The following CLYBL variants were observed in gnomAD, a reference collection of about 807,000 sequenced individuals.
CLYBL encodes citramalyl-CoA lyase, mitochondrial.
A neutral mutation model predicts 38.9 loss-of-function variants in CLYBL; 31 were observed. The ratio of observed to expected loss-of-function variants is 0.80; its 90% CI spans 0.60 to 1.08. The LOEUF (loss-of-function observed/expected upper bound fraction) is 1.08, where lower values mean the gene tolerates loss of function less well. CLYBL is among the 50% of genes least tolerant of loss of function. The pLI is 0.00. For synonymous variants in CLYBL, 171 were observed against 158.6 expected (o/e 1.08, Z -0.59); for missense variants, 434 against 411.6 (o/e 1.05, Z -0.47).
At chr13:99,809,504 T>C (rs1007433657) in intron 2 of CLYBL, among the ~76,000 whole-genome samples, 3 of 152,230 alleles carry the variant, frequency 2.0e-5, no homozygotes, top group African/African-American at 7.2e-5. Context: ...CTTGTGAAAG[T>C]TGGGGGAAGG....
chr13:99,861,134 C>T (rs1441519337), intron 3 of CLYBL, among the ~76,000 whole-genome samples: 2 of 152,066 alleles, frequency 1.3e-5, no homozygotes, highest in Admixed American at 1.3e-4. Context: ...TTTACCAGGC[C>T]GGAAACATTT....
chr13:99,692,276 TG>T (rs971558687), intron 1 of CLYBL, among the ~76,000 whole-genome samples: 5 of 112,082 alleles, frequency 4.5e-5, no homozygotes, highest in East Asian at 3.8e-4. Flanking sequence ...AGTTCACATT[TG>T]TTTTTTTTGT....
At chr13:99,838,100 A>G (rs11840555) in intron 2 of CLYBL, among the ~76,000 whole-genome samples, 3,311 of 152,288 alleles carry the variant, frequency 0.022, 109 homozygotes, top group African/African-American at 0.07. Flanking sequence ...ATAAGTAATT[A>G]TATATTAGAT....
chr13:99,729,069 A>G (rs1237015037), intron 1 of CLYBL, among the ~76,000 whole-genome samples: 1 of 152,224 alleles, frequency 6.6e-6, no homozygotes, highest in South Asian at 2.1e-4. Flanking sequence ...GGGCCATCCA[A>G]TTGTCTCCTT....
chr13:99,635,958 C>T (rs986047531), intron 1 of CLYBL, among the ~76,000 whole-genome samples: 1 of 152,178 alleles, frequency 6.6e-6, no homozygotes, highest in South Asian at 2.1e-4. Context: ...GTTGATTAAA[C>T]ATTTACTTGA....
intron 1 of CLYBL, among the ~76,000 whole-genome samples, chr13:99,633,226 A>G (rs969271135): frequency 1.3e-5 from 2 of 150,416 alleles, no homozygotes; most frequent in Non-Finnish European, 3.0e-5. Flanking sequence ...AAAAAAAAAA[A>G]AAAAAAAAAG....
At chr13:99,781,591 T>C (rs2049655785) in intron 2 of CLYBL, among the ~76,000 whole-genome samples, 1 of 152,202 alleles carries the variant, frequency 6.6e-6, no homozygotes, top group Admixed American at 6.5e-5. Context: ...TTCTCTTGCC[T>C]CAGCCTCCTG....
chr13:99,658,720 G>A (rs1196101727), intron 1 of CLYBL, among the ~76,000 whole-genome samples: 1 of 143,614 alleles, frequency 7.0e-6, no homozygotes, highest in Non-Finnish European at 1.5e-5. Flanking sequence ...TTTGATTAAA[G>A]AAAAGTAAAA....
intron 2 of CLYBL, among the ~76,000 whole-genome samples, chr13:99,852,786 A>G (rs978362373): frequency 4.6e-5 from 7 of 152,250 alleles, no homozygotes; most frequent in African/African-American, 1.7e-4. Flanking sequence ...AAGATTGTAC[A>G]GTAGAAACCA....
At chr13:99,877,835 G>A (rs1196611451) in intron 7 of CLYBL, among the ~76,000 whole-genome samples, 1 of 152,066 alleles carries the variant, frequency 6.6e-6, no homozygotes, top group East Asian at 1.9e-4. Flanking sequence ...GCCTCCCAAA[G>A]TGCTGGGATT....
intron 1 of CLYBL, among the ~76,000 whole-genome samples, chr13:99,741,681 T>C (rs1289692956): frequency 1.1e-4 from 17 of 152,220 alleles, no homozygotes; most frequent in Non-Finnish European, 2.5e-4. Flanking sequence ...TTTGCCATGT[T>C]GCCCAGGCTG....
At chr13:99,908,044 G>A (rs76169847) in intron 9 of CLYBL, among the ~76,000 whole-genome samples, 236 of 152,298 alleles carry the variant, frequency 1.5e-3, no homozygotes, top group Non-Finnish European at 2.7e-3. Flanking sequence ...CCAGTCACCT[G>A]TTCCCTGCAG....
At chr13:99,842,165 C>T (rs1318280485) in intron 2 of CLYBL, among the ~76,000 whole-genome samples, 3 of 152,170 alleles carry the variant, frequency 2.0e-5, no homozygotes, top group South Asian at 2.1e-4. Flanking sequence ...AGTCGACAGT[C>T]GTGTAGAAGT....
At chr13:99,624,114 A>G (rs1398863458) in intron 1 of CLYBL, among the ~76,000 whole-genome samples, 2 of 105,176 alleles carry the variant, frequency 1.9e-5, no homozygotes, top group Non-Finnish European at 4.6e-5. Context: ...CACCTGAAGC[A>G]TGTCCTCCCT....
chr13:99,851,367 C>CAAAAA (rs35539387), intron 2 of CLYBL, among the ~76,000 whole-genome samples: 2 of 63,096 alleles, frequency 3.2e-5, no homozygotes, highest in Admixed American at 2.2e-4. Context: ...AAGTCCACCT[C>CAAAAA]AAAAAAAAAA....
intron 2 of CLYBL, among the ~76,000 whole-genome samples, chr13:99,807,598 C>G (rs913404378): frequency 6.6e-6 from 1 of 151,754 alleles, no homozygotes; most frequent in African/African-American, 2.4e-5. Context: ...ATTCCACTTA[C>G]ATGAGGTACT....
intron 1 of CLYBL, among the ~76,000 whole-genome samples, chr13:99,753,325 G>A (rs2139644062): frequency 6.6e-6 from 1 of 152,224 alleles, no homozygotes; most frequent in Non-Finnish European, 1.5e-5. Context: ...TTTGATTTGT[G>A]TTTTTTAAAG....
intron 2 of CLYBL, among the ~76,000 whole-genome samples, chr13:99,800,092 G>A (rs530209130): frequency 2.4e-4 from 36 of 152,282 alleles, no homozygotes; most frequent in African/African-American, 7.5e-4. Context: ...GCAGTTTGTC[G>A]TCCTCCCCTC....
At chr13:99,748,000 T>G (rs940643119) in intron 1 of CLYBL, among the ~76,000 whole-genome samples, 1 of 152,120 alleles carries the variant, frequency 6.6e-6, no homozygotes, top group Non-Finnish European at 1.5e-5. Context: ...TGGCGTTAAA[T>G]AGTACATTAT....
Sources: allele counts gnomAD v4.1 joint callset (sites outside exome capture counted in the v4.1 genomes callset), GRCh38; gene constraint gnomAD v4.1.1; transcripts MANE v1.5; gene names NCBI Gene and HGNC (gene_info 2026-07-23, HGNC 2026-07-21).